CCN6: variants seen among roughly 807,000 people sequenced by gnomAD.
CCN6 encodes the protein cellular communication network factor 6.
In CCN6, 31 loss-of-function variants were observed where a neutral mutation model predicts 37.4. The ratio of observed to expected loss-of-function variants is 0.83; its 90% confidence interval spans 0.62 to 1.12. The LOEUF (loss-of-function observed/expected upper bound fraction) is 1.12. CCN6 is among the 50% of genes most tolerant of loss of function. The pLI is 0.00. For synonymous variants in CCN6, 137 were observed against 142.1 expected, an observed-to-expected ratio of 0.96 and a Z score of 0.26; for missense variants, 369 against 413.8, an observed-to-expected ratio of 0.89 and a Z score of 0.94.
chr6:112,065,601 A>ACACGCACACACACACAAAC (rs1562597599), intron 3 of CCN6, among the ~76,000 whole-genome samples: 1 of 144,104 alleles, frequency 6.9e-6, no homozygotes, highest in African/African-American at 2.5e-5. Context: ...CACACACACA[A>ACACGCACACACACACAAAC]ACACACACGC....
chr6:112,060,034 G>A lies in CCN6; in HGVS notation c.49-957G>A, dbSNP rs782101768. 3.3e-5 allele frequency: 45 copies of A among 1,366,480 alleles called. No individual in the cohort carries two copies. The Middle Eastern group carries it at 8.4e-4, about 25-fold the overall frequency. 84.6% of individuals were successfully genotyped at this position (1,366,480 alleles called of 1,614,324 possible). A position where few individuals can be genotyped will look rare whatever the true frequency, so the allele number is the denominator to read the frequency against. ...AGCCATGAAGATATCTAGGGGCAGA[G>A]TGTGCTTGGAGTCAGAGAACAAGGA... On this transcript the variant is annotated intron_variant, in intron 1 of 4. Coordinates refer to ENST00000368666, the MANE Select transcript of CCN6 (RefSeq NM_198239.2).
chr6:112,059,910 A>G (rs1353047116), intron 1 of CCN6: 2 of 1,295,684 alleles, frequency 1.5e-6, no homozygotes. Flanking sequence ...GGTAAACTCT[A>G]CGGTGAAAGG....
At chr6:112,056,643 G>C (rs587648738) in intron 1 of CCN6, among the ~76,000 whole-genome samples, 1 of 152,156 alleles carries the variant, frequency 6.6e-6, no homozygotes, top group Non-Finnish European at 1.5e-5. Flanking sequence ...AGCCTCCTGA[G>C]TAGCTGGGAC....
chr6:112,056,739 A>G (rs899621419), intron 1 of CCN6, among the ~76,000 whole-genome samples: 2 of 150,840 alleles, frequency 1.3e-5, no homozygotes, highest in Non-Finnish European at 3.0e-5. Context: ...CTAGTCTTGA[A>G]CTCCCCGCCT....
chr6:112,054,189 A>C lies in CCN6; in HGVS notation c.-169A>C. On this transcript the variant is annotated 5_prime_UTR_variant, in exon 1 of 5. Transcript: ENST00000368666. ...AAACAGGGTATTAAAACGGATCCTT[A>C]AAAATGAAAGTGCAGGCTGAAAGTT... 1 of 928,528 alleles carries C rather than the reference A, an allele frequency of 1.1e-6. No homozygotes were observed. The highest frequency in any genetic ancestry group is 1.8e-6 in the Non-Finnish European group (1 of 554,236). 57.5% of individuals were successfully genotyped at this position (928,528 alleles called of 1,614,324 possible). A position where few individuals can be genotyped will look rare whatever the true frequency, so the allele number is the denominator to read the frequency against.
chr6:112,054,052 A>C, upstream of CCN6: 1 of 559,832 alleles, frequency 1.8e-6, no homozygotes, highest in Non-Finnish European at 3.2e-6. Flanking sequence ...CACTTAGAGA[A>C]CAGTCACTAC....
rs1453801233 is a variant in CCN6 at position 112,061,056 on chromosome 6, G to A, written c.114G>A (p.Val38=). 3 of 1,614,174 alleles carry A rather than the reference G, an allele frequency of 1.9e-6. No homozygotes were observed. Among genetic ancestry groups the A allele is most frequent in the Non-Finnish European group, 1.7e-6 (2 of 1,180,028 alleles). The change falls in exon 2 of 5, where the codon GTG becomes GTA. Residue 38 remains valine, a synonymous_variant. Transcript: ENST00000368666. ...DTTPEGRPGE[V]SDAPQRKQFC... Reference sequence around the variant, plus strand: ...CACCTGAAGGAAGGCCTGGAGAAGTGTCAGATGCACCTCAGCGTAAACAGT... The same window carrying A: ...CACCTGAAGGAAGGCCTGGAGAAGTATCAGATGCACCTCAGCGTAAACAGT...
intron 1 of CCN6, among the ~76,000 whole-genome samples, chr6:112,057,673 T>C (rs1372893344): frequency 1.3e-5 from 2 of 152,136 alleles, no homozygotes; most frequent in Admixed American, 1.3e-4. Context: ...CAGGGCTCAG[T>C]GGAGAAGTCC....
At chr6:112,068,943 C>T (rs1366001001) in intron 4 of CCN6, among the ~76,000 whole-genome samples, 1 of 152,080 alleles carries the variant, frequency 6.6e-6, no homozygotes, top group African/African-American at 2.4e-5. Context: ...GTTGACAATT[C>T]AGTTTTAAAG....
intron 2 of CCN6, among the ~76,000 whole-genome samples, chr6:112,062,601 T>C (rs1554313113): frequency 6.6e-6 from 1 of 152,248 alleles, no homozygotes; most frequent in East Asian, 1.9e-4. Flanking sequence ...GGATAATCTA[T>C]AACTGGAGCC....
intron 2 of CCN6, among the ~76,000 whole-genome samples, chr6:112,062,200 A>T (rs1217114762): frequency 3.3e-5 from 5 of 152,340 alleles, no homozygotes; most frequent in African/African-American, 7.2e-5. Flanking sequence ...GTTACATAAT[A>T]TGTACTTCCT....
rs1467693735 is a variant in CCN6, at chr6:112,069,277, C to T, written c.784-62C>T. On this transcript the variant is annotated intron_variant, in intron 4 of 4. Coordinates refer to ENST00000368666, the MANE Select transcript of CCN6 (RefSeq NM_198239.2). ...CAGATTTGTACTATAAACTATTCTACATGTTTTCAAAACTATTGTAATAAA... is the reference window on the plus strand; with the variant it reads ...CAGATTTGTACTATAAACTATTCTATATGTTTTCAAAACTATTGTAATAAA... 6.5e-6 allele frequency: 10 copies of T among 1,550,268 alleles called. No homozygotes were observed. The East Asian group carries it at 2.3e-4, about 36-fold the overall frequency.
chr6:112,066,724 T>C (rs1376015570), intron 3 of CCN6, among the ~76,000 whole-genome samples: 2 of 152,226 alleles, frequency 1.3e-5, no homozygotes, highest in Non-Finnish European at 2.9e-5. Flanking sequence ...CAGTAATTTA[T>C]AGTCTATGGT....
rs782066946 is a variant in CCN6, at chr6:112,061,288, T to A, written c.346T>A (p.Tyr116Asn). 2 of 1,614,162 alleles carry A rather than the reference T, an allele frequency of 1.2e-6. No homozygotes were observed. Among genetic ancestry groups the A allele is most frequent in the South Asian group, 1.1e-5 (1 of 91,080 alleles). Reference protein sequence around the residue: ...RPRYETGVCAYLVAVGCEFNQ... With the variant: ...RPRYETGVCANLVAVGCEFNQ... ...TAGGTACGAGACTGGAGTGTGTGCA[T>A]GTAAGTGTCTTCTTCTGGACCTGCT... The change falls in exon 2 of 5, where the codon TAC (tyrosine) becomes AAC (asparagine). Residue 116 changes from tyrosine to asparagine, a missense_variant and splice_region_variant. Tyr to Asn is a moderately radical substitution (Grantham distance 143). Transcript: ENST00000368666.
In CCN6 at chr6:112,068,329, T is replaced by TGAAATGA. The variant is rs1776761681; in HGVS notation, c.719_725dup (p.Lys242AsnfsTer39). On this transcript the variant is annotated frameshift_variant, in exon 4 of 5. Transcript: ENST00000368666. LOFTEE classifies it high-confidence loss of function. ...GGGTGACCAATGAAAACAGCAACTG[T>TGAAATGA]GAAATGAGAAAAGAGAAAAGACTGT... The TGAAATGA allele has an allele frequency of 6.2e-7, 1 of 1,613,158 alleles. No homozygotes were observed. The highest frequency in any genetic ancestry group is 8.5e-7 in the Non-Finnish European group (1 of 1,179,516).
At position 112,060,989 on chromosome 6, in the gene CCN6, A is replaced by G. The variant is rs1562595100; in HGVS notation, c.49-2A>G. The G allele has an allele frequency of 6.2e-7, 1 of 1,614,068 alleles. No homozygotes were observed. Among genetic ancestry groups the G allele is most frequent in the Non-Finnish European group, 8.5e-7 (1 of 1,180,020 alleles). On this transcript the variant is annotated splice_acceptor_variant, in intron 1 of 4. Coordinates refer to ENST00000368666, the MANE Select transcript of CCN6 (RefSeq NM_198239.2). LOFTEE classifies it high-confidence loss of function. Reference sequence around the variant, plus strand: ...TAACATCACCTTTATTATCAAATGAAGTTCTGCTGCAGGGTACAGGGCACT... The same window carrying G: ...TAACATCACCTTTATTATCAAATGAGGTTCTGCTGCAGGGTACAGGGCACT...
chr6:112,056,228 C>T (rs587723260), intron 1 of CCN6, among the ~76,000 whole-genome samples: 6 of 152,190 alleles, frequency 3.9e-5, no homozygotes, highest in East Asian at 1.9e-4. Context: ...ATCTTCAGAC[C>T]GAAGATCCTC....
In CCN6 at chr6:112,054,407, T is replaced by C; in HGVS notation, c.48+2T>C. 2 of 1,612,662 alleles carry C rather than the reference T, an allele frequency of 1.2e-6. No homozygotes were observed. Among genetic ancestry groups the C allele is most frequent in the African/African-American group, 2.7e-5 (2 of 74,558 alleles). ...CTTCTGCTTGCTGGCCTGGCACAGGTAAGTCCTCTCCCCCGACTCTTTCCC... is the reference window on the plus strand; with the variant it reads ...CTTCTGCTTGCTGGCCTGGCACAGGCAAGTCCTCTCCCCCGACTCTTTCCC... On this transcript the variant is annotated splice_donor_variant, in intron 1 of 4. Transcript: ENST00000368666. LOFTEE classifies it high-confidence loss of function.
At chr6:112,061,867 T>C (rs1244935723) in intron 2 of CCN6, among the ~76,000 whole-genome samples, 2 of 152,214 alleles carry the variant, frequency 1.3e-5, no homozygotes, top group African/African-American at 2.4e-5. Flanking sequence ...ACATTGACAC[T>C]AATTCAGGGT....
Sources: allele counts gnomAD v4.1 joint callset (sites outside exome capture counted in the v4.1 genomes callset), GRCh38; gene constraint gnomAD v4.1.1; transcripts MANE v1.5; gene names NCBI Gene and HGNC (gene_info 2026-07-23, HGNC 2026-07-21).